BTBD9: variants seen among roughly 807,000 people sequenced by gnomAD.
BTBD9 encodes BTB/POZ domain-containing protein 9.
BTBD9 carries 49 observed loss-of-function variants against 64.3 expected under a neutral mutation model. The observed-to-expected ratio is 0.76, with a 90% confidence interval of 0.61 to 0.97. The LOEUF (loss-of-function observed/expected upper bound fraction) is 0.97. Among genes scored for constraint, BTBD9 ranks in the 50% least tolerant of loss-of-function variants. The probability of loss-of-function intolerance (pLI) is 0.00; values close to 1 mark genes in which losing one functional copy is unlikely to be tolerated. For missense variants in BTBD9, 598 were observed against 762.1 expected, an observed-to-expected ratio of 0.78 and a Z score of 2.53; for synonymous variants, 260 against 274.7, an observed-to-expected ratio of 0.95 and a Z score of 0.53.
chr6:38,619,686 T>C (rs527554037), intron 1 of BTBD9, among the ~76,000 whole-genome samples: 3 of 152,272 alleles, frequency 2.0e-5, no homozygotes, highest in Non-Finnish European at 2.9e-5. Flanking sequence ...GGCCAGGAAA[T>C]TGACTGTCTC....
At chr6:38,216,716 C>A (rs1443806862) in intron 9 of BTBD9, among the ~76,000 whole-genome samples, 1 of 152,218 alleles carries the variant, frequency 6.6e-6, no homozygotes, top group African/African-American at 2.4e-5. Flanking sequence ...CTAACACCTT[C>A]ATAGTCAGTG....
At chr6:38,593,133 G>C (rs952389612) in intron 3 of BTBD9, among the ~76,000 whole-genome samples, 1 of 152,184 alleles carries the variant, frequency 6.6e-6, no homozygotes, top group African/African-American at 2.4e-5. Context: ...AAACGCCAAA[G>C]TGAAAAGCTG....
intron 7 of BTBD9, among the ~76,000 whole-genome samples, chr6:38,338,893 C>T (rs1212606631): frequency 6.6e-6 from 1 of 152,172 alleles, no homozygotes; most frequent in African/African-American, 2.4e-5. Flanking sequence ...AAGAGAAATG[C>T]AGTTAAAATT....
rs1040924624 is a variant in BTBD9, at chr6:38,169,149, A to G, written c.*5836T>C. ...TTACTGGCAGCACCCTGCCCTGCTGACCCTGGAAGCAGCTGATTGAGGGGC... is the reference window on the plus strand; with the variant it reads ...TTACTGGCAGCACCCTGCCCTGCTGGCCCTGGAAGCAGCTGATTGAGGGGC... On this transcript the variant is annotated 3_prime_UTR_variant, in exon 11 of 11. Transcript: ENST00000481247. The G allele has an allele frequency of 6.6e-6, 1 of 152,276 alleles. No individual in the cohort carries two copies. The highest frequency in any genetic ancestry group is 1.5e-5 in the Non-Finnish European group (1 of 68,214). 9.4% of individuals were successfully genotyped at this position (152,276 alleles called of 1,614,324 possible). A position where few individuals can be genotyped will look rare whatever the true frequency, so the allele number is the denominator to read the frequency against.
chr6:38,545,855 T>TACATACAC (rs1774527799), intron 6 of BTBD9, among the ~76,000 whole-genome samples: 1 of 130,644 alleles, frequency 7.7e-6, no homozygotes, highest in East Asian at 2.4e-4. Context: ...CACACACACA[T>TACATACAC]ACACACACAC....
intron 4 of BTBD9, among the ~76,000 whole-genome samples, chr6:38,589,905 T>C (rs1776717931): frequency 6.6e-6 from 1 of 152,228 alleles, no homozygotes; most frequent in Non-Finnish European, 1.5e-5. Context: ...TTCTCTACCT[T>C]AAGTCCCCTG....
chr6:38,477,300 T>G (rs1377091562), intron 6 of BTBD9, among the ~76,000 whole-genome samples: 3 of 152,206 alleles, frequency 2.0e-5, no homozygotes, highest in African/African-American at 7.2e-5. Flanking sequence ...TATTAGAGAC[T>G]AAGAGCGATT....
intron 6 of BTBD9, among the ~76,000 whole-genome samples, chr6:38,562,239 T>C (rs193010546): frequency 8.3e-4 from 127 of 152,338 alleles, no homozygotes; most frequent in African/African-American, 2.8e-3. Flanking sequence ...AGATGTGTCT[T>C]ATTCCATTGA....
intron 9 of BTBD9, among the ~76,000 whole-genome samples, chr6:38,210,074 CAG>C (rs1225730053): frequency 6.6e-6 from 1 of 152,052 alleles, no homozygotes; most frequent in Non-Finnish European, 1.5e-5. Flanking sequence ...CGTGGGGAGA[CAG>C]GGGAAGGGGG....
intron 9 of BTBD9, among the ~76,000 whole-genome samples, chr6:38,214,033 A>C (rs992487995): frequency 1.0e-4 from 15 of 150,060 alleles, no homozygotes; most frequent in African/African-American, 3.7e-4. Flanking sequence ...AATAATAATA[A>C]TTTCTCCCTC....
intron 6 of BTBD9, among the ~76,000 whole-genome samples, chr6:38,512,219 C>A (rs1019510446): frequency 1.7e-4 from 26 of 152,074 alleles, no homozygotes; most frequent in African/African-American, 4.1e-4. Context: ...GTGATCTGCC[C>A]GCCTCGGCCT....
intron 6 of BTBD9, among the ~76,000 whole-genome samples, chr6:38,576,705 C>T (rs946973909): frequency 2.0e-5 from 3 of 152,142 alleles, no homozygotes; most frequent in African/African-American, 7.2e-5. Flanking sequence ...ATATCCCTTC[C>T]CTTTTCTTCC....
chr6:38,322,595 G>A (rs1763279745), intron 7 of BTBD9, among the ~76,000 whole-genome samples: 1 of 152,188 alleles, frequency 6.6e-6, no homozygotes, highest in African/African-American at 2.4e-5. Context: ...AGGGTACAGT[G>A]AGGAATAATT....
At chr6:38,368,628 C>T (rs1203743913) in intron 6 of BTBD9, among the ~76,000 whole-genome samples, 2 of 152,054 alleles carry the variant, frequency 1.3e-5, no homozygotes, top group African/African-American at 2.4e-5. Flanking sequence ...CCACCATGCC[C>T]GGCCTTTACC....
At chr6:38,464,424 T>C (rs1770248300) in intron 6 of BTBD9, among the ~76,000 whole-genome samples, 1 of 152,098 alleles carries the variant, frequency 6.6e-6, no homozygotes, top group Non-Finnish European at 1.5e-5. Flanking sequence ...TTTTTATGGA[T>C]TGCTGGGTTC....
intron 1 of BTBD9, among the ~76,000 whole-genome samples, chr6:38,601,737 G>C (rs539138606): frequency 6.6e-6 from 1 of 151,924 alleles, no homozygotes; most frequent in South Asian, 2.1e-4. Context: ...AAATGGATTA[G>C]GAAACAAAGA....
intron 6 of BTBD9, among the ~76,000 whole-genome samples, chr6:38,392,937 T>C (rs750064499): frequency 2.0e-5 from 3 of 148,808 alleles, no homozygotes; most frequent in Non-Finnish European, 4.4e-5. Context: ...TGCAGTGGCA[T>C]GATCTTGGCT....
chr6:38,581,527 A>G (rs1173138700), intron 4 of BTBD9, among the ~76,000 whole-genome samples: 2 of 152,200 alleles, frequency 1.3e-5, no homozygotes, highest in Non-Finnish European at 1.5e-5. Flanking sequence ...TTAACCACCA[A>G]TTGTGCCTGG....
intron 6 of BTBD9, among the ~76,000 whole-genome samples, chr6:38,474,366 T>C (rs1770786694): frequency 2.0e-5 from 3 of 152,068 alleles, no homozygotes; most frequent in Admixed American, 2.0e-4. Context: ...CTACTAAAAA[T>C]AGAAAAATTA....
Sources: gnomAD v4.1 joint callset for allele counts (sites outside exome capture counted in the v4.1 genomes callset) on GRCh38, gnomAD v4.1.1 for gene constraint, MANE v1.5 for transcripts, NCBI Gene and HGNC (gene_info 2026-07-23, HGNC 2026-07-21) for gene names.